HIBADH: variants seen among roughly 807,000 people sequenced by gnomAD.
The protein encoded by HIBADH is 3-hydroxyisobutyrate dehydrogenase, mitochondrial.
In HIBADH, 25 loss-of-function variants were observed where a neutral mutation model predicts 36.1. The ratio of observed to expected loss-of-function variants is 0.69; its 90% confidence interval spans 0.50 to 0.97. The LOEUF (loss-of-function observed/expected upper bound fraction) is 0.97. Among genes scored for constraint, HIBADH ranks in the 50% least tolerant of loss-of-function variants. The pLI is 0.00. For missense variants in HIBADH, 421 were observed against 418.0 expected (o/e 1.01, Z -0.06); for synonymous variants, 160 against 149.5 (o/e 1.07, Z -0.51).
intron 4 of HIBADH, among the ~76,000 whole-genome samples, chr7:27,559,070 A>T (rs1583568934): frequency 6.6e-6 from 1 of 151,984 alleles, no homozygotes; most frequent in South Asian, 2.1e-4. Flanking sequence ...CTGTTTCAGG[A>T]TTTTCTCTTT....
chr7:27,555,910 T>C (rs1457575800), intron 4 of HIBADH, among the ~76,000 whole-genome samples: 1 of 152,148 alleles, frequency 6.6e-6, no homozygotes, highest in East Asian at 1.9e-4. Context: ...TAGGGTCACA[T>C]GATCAAGGGT....
intron 4 of HIBADH, among the ~76,000 whole-genome samples, chr7:27,571,914 A>ATACTT (rs752951107): frequency 2.0e-5 from 3 of 152,206 alleles, no homozygotes; most frequent in Admixed American, 2.0e-4. Context: ...AGAAACTAAT[A>ATACTT]TACTTTATTT....
intron 4 of HIBADH, among the ~76,000 whole-genome samples, chr7:27,626,116 A>AAAAAG (rs1785639214): frequency 6.6e-6 from 1 of 150,812 alleles, no homozygotes; most frequent in Non-Finnish European, 1.5e-5. Flanking sequence ...AAAAAAAAAA[A>AAAAAG]AAAAAAAAAA....
intron 1 of HIBADH, among the ~76,000 whole-genome samples, chr7:27,658,314 A>G (rs918402157): frequency 2.0e-5 from 3 of 152,234 alleles, no homozygotes; most frequent in African/African-American, 7.2e-5. Flanking sequence ...GAGAAAATCA[A>G]TCAACCAAAT....
chr7:27,589,331 A>G (rs4348389), intron 4 of HIBADH, among the ~76,000 whole-genome samples: 115,992 of 152,126 alleles, frequency 0.76, 44,728 homozygotes, highest in East Asian at 0.94. Context: ...ATCTTTATAC[A>G]TAAGTAGAAA....
At chr7:27,565,961 A>G (rs1348679627) in intron 4 of HIBADH, among the ~76,000 whole-genome samples, 1 of 152,144 alleles carries the variant, frequency 6.6e-6, no homozygotes, top group Non-Finnish European at 1.5e-5. Flanking sequence ...AGTCTTCTTT[A>G]GACTATTAAT....
At chr7:27,552,634 T>C (rs1229460524) in intron 4 of HIBADH, among the ~76,000 whole-genome samples, 1 of 152,182 alleles carries the variant, frequency 6.6e-6, no homozygotes, top group Non-Finnish European at 1.5e-5. Flanking sequence ...GCTAGGGATG[T>C]GTTGTTAAGT....
At chr7:27,583,184 G>A (rs1407929007) in intron 4 of HIBADH, among the ~76,000 whole-genome samples, 2 of 151,854 alleles carry the variant, frequency 1.3e-5, no homozygotes, top group Non-Finnish European at 2.9e-5. Flanking sequence ...TGACTTCAAG[G>A]GAAGCTTTAT....
chr7:27,576,173 A>G (rs1401730447), intron 4 of HIBADH, among the ~76,000 whole-genome samples: 1 of 152,220 alleles, frequency 6.6e-6, no homozygotes, highest in Non-Finnish European at 1.5e-5. Context: ...AGGGAGGAGG[A>G]GGAACTGATC....
At position 27,618,545 on chromosome 7, in the gene HIBADH, C is replaced by T. The variant is rs141193096; in HGVS notation, c.484+10826G>A. ...TGACATAAGAACCTGCTCACCTACC[C>T]AGCCCCCGCTGCCACTACTGGCATT... is the stretch of plus-strand genomic sequence containing the variant. On this transcript the variant is annotated intron_variant, in intron 4 of 7. Transcript: ENST00000265395. Among the ~76,000 whole-genome samples, 9 of 152,348 alleles carry T rather than the reference C, an allele frequency of 5.9e-5. No homozygotes were observed. In the East Asian group the frequency reaches 1.7e-3, roughly 29 times the overall value.
At chr7:27,541,709 C>T (rs776879496) in intron 5 of HIBADH, 1 of 419,430 alleles carries the variant, frequency 2.4e-6, no homozygotes, top group South Asian at 1.7e-5. Context: ...TCACTAGTGG[C>T]ACTTTGTATG....
chr7:27,613,666 T>TTTTTG (rs1554299061), intron 4 of HIBADH, among the ~76,000 whole-genome samples: 3 of 107,072 alleles, frequency 2.8e-5, no homozygotes, highest in African/African-American at 1.1e-4. Context: ...GTTTTTTTTG[T>TTTTTG]TTTTTTTTTT....
At chr7:27,545,761 A>C (rs915780235) in intron 4 of HIBADH, among the ~76,000 whole-genome samples, 3 of 152,196 alleles carry the variant, frequency 2.0e-5, no homozygotes, top group African/African-American at 7.2e-5. Context: ...GCTTGATTCT[A>C]TTACAGCATT....
At chr7:27,634,877 C>T (rs1049479065) in intron 2 of HIBADH, among the ~76,000 whole-genome samples, 2 of 151,846 alleles carry the variant, frequency 1.3e-5, no homozygotes, top group African/African-American at 2.4e-5. Context: ...GGCCAATCAG[C>T]CCCCTGCATC....
At chr7:27,613,683 A>G (rs1456621049) in intron 4 of HIBADH, among the ~76,000 whole-genome samples, 2 of 135,778 alleles carry the variant, frequency 1.5e-5, no homozygotes, top group East Asian at 4.0e-4. Flanking sequence ...TTTTTGAGAC[A>G]GGTCTCACTC....
chr7:27,625,654 C>A (rs535924606), intron 4 of HIBADH, among the ~76,000 whole-genome samples: 3 of 151,900 alleles, frequency 2.0e-5, no homozygotes, highest in African/African-American at 7.3e-5. Context: ...CACTTTATAC[C>A]GCACATATAT....
At chr7:27,557,563 C>T (rs1784410810) in intron 4 of HIBADH, among the ~76,000 whole-genome samples, 1 of 152,174 alleles carries the variant, frequency 6.6e-6, no homozygotes, top group African/African-American at 2.4e-5. Flanking sequence ...AAGGCACCAA[C>T]AGGTTCAGTT....
intron 4 of HIBADH, among the ~76,000 whole-genome samples, chr7:27,547,081 C>A (rs1784245019): frequency 6.6e-6 from 1 of 152,184 alleles, no homozygotes; most frequent in Admixed American, 6.5e-5. Context: ...CCTACAAAGC[C>A]CTACATGATG....
chr7:27,612,226 A>G (rs1235738016), intron 4 of HIBADH, among the ~76,000 whole-genome samples: 1 of 152,232 alleles, frequency 6.6e-6, no homozygotes, highest in Non-Finnish European at 1.5e-5. Flanking sequence ...AGATAATCTT[A>G]TAAGGACTAT....
Sources: gnomAD v4.1 joint callset for allele counts (sites outside exome capture counted in the v4.1 genomes callset) on GRCh38, gnomAD v4.1.1 for gene constraint, MANE v1.5 for transcripts, NCBI Gene and HGNC (gene_info 2026-07-23, HGNC 2026-07-21) for gene names.